Variants in PCDH15 observed in about 807,000 individuals in gnomAD.
PCDH15 encodes protocadherin related 15.
In PCDH15, 129 loss-of-function variants were observed where a neutral mutation model predicts 178.5. The ratio of observed to expected loss-of-function variants is 0.72; its 90% CI spans 0.63 to 0.84. The LOEUF (loss-of-function observed/expected upper bound fraction) is 0.84, where lower values mean the gene tolerates loss of function less well. Among genes scored for constraint, PCDH15 ranks in the 40% least tolerant of loss-of-function variants. The pLI is 0.00. For missense variants in PCDH15, 2,230 were observed against 2,099.9 expected, an observed-to-expected ratio of 1.06 and a Z score of -1.21; for synonymous variants, 800 against 732.0, an observed-to-expected ratio of 1.09 and a Z score of -1.50.
intron 20 of PCDH15, among the ~76,000 whole-genome samples, chr10:54,013,840 C>T (rs2092661871): frequency 6.6e-6 from 1 of 151,800 alleles, no homozygotes; most frequent in East Asian, 1.9e-4. Flanking sequence ...ATCACATCTA[C>T]AGGAACTAGA....
At position 54,944,326 on chromosome 10, in the gene PCDH15, AG is replaced by A. The variant is rs532245821; in HGVS notation, c.-79-46827del. ...TCCTATGTGTCTTGTGGGATGCAAA[AG>A]GTTTCTGTGAATTACAAGTCAGCAG... On this transcript the variant is annotated intron_variant, in intron 2 of 5. Coordinates refer to the PCDH15 transcript ENST00000458638. Among the ~76,000 whole-genome samples the A allele has an allele frequency of 4.6e-5, 7 of 152,064 alleles. No individual in the cohort carries two copies. The South Asian group carries it at 1.4e-3, about 31-fold the overall frequency.
chr10:54,982,166 ATC>A (rs1564687564), intron 2 of PCDH15, among the ~76,000 whole-genome samples: 1 of 152,154 alleles, frequency 6.6e-6, no homozygotes, highest in Non-Finnish European at 1.5e-5. Context: ...TGCATAGGGT[ATC>A]TTTCAATAAA....
chr10:54,293,179 T>G (rs1210449367), intron 8 of PCDH15, among the ~76,000 whole-genome samples: 1 of 152,176 alleles, frequency 6.6e-6, no homozygotes, highest in Non-Finnish European at 1.5e-5. Context: ...TGCAACCATC[T>G]GATCTTTGAC....
intron 7 of PCDH15, among the ~76,000 whole-genome samples, chr10:54,321,531 C>A (rs2061605751): frequency 6.6e-6 from 1 of 151,552 alleles, no homozygotes; most frequent in Non-Finnish European, 1.5e-5. Context: ...ATATTTCTAC[C>A]CTTCCATGTC....
chr10:54,662,389 A>T (rs575243125), intron 2 of PCDH15, among the ~76,000 whole-genome samples: 1 of 151,828 alleles, frequency 6.6e-6, no homozygotes, highest in Admixed American at 6.6e-5. Context: ...TTTTATTATC[A>T]TATATATCCT....
intron 2 of PCDH15, among the ~76,000 whole-genome samples, chr10:55,587,753 T>C (rs1842754431): frequency 6.6e-6 from 1 of 152,188 alleles, no homozygotes; most frequent in Admixed American, 6.5e-5. Context: ...ACAGTTGAAA[T>C]TTTTTACACT....
chr10:54,586,147 T>C (rs1385105022), intron 2 of PCDH15, among the ~76,000 whole-genome samples: 3 of 152,180 alleles, frequency 2.0e-5, no homozygotes, highest in African/African-American at 7.2e-5. Flanking sequence ...AGATCAGTTA[T>C]TGCTGTTCCA....
Position 53,808,419 on chromosome 10 carries a change from C to T in PCDH15, c.4672-1289G>A, listed in dbSNP as rs925571896. 9.6e-6 allele frequency: 11 copies of T among 1,146,162 alleles called. No homozygotes were observed. In the South Asian group the frequency reaches 1.9e-4, roughly 20 times the overall value. The allele number at this position is 1,146,162 out of a possible 1,614,324, so 71.0% of individuals were successfully genotyped here. A position where few individuals can be genotyped will look rare whatever the true frequency, so the allele number is the denominator to read the frequency against. ...AATGCCACATTGCATTAACAAAAAT[C>T]CTACCAGTAAATATTAAATATTGAT... On this transcript the variant is annotated intron_variant, in intron 37 of 37. Coordinates refer to ENST00000644397, the MANE Select transcript of PCDH15 (RefSeq NM_001384140.1).
chr10:55,194,521 C>G (rs1840030329), intron 1 of PCDH15, among the ~76,000 whole-genome samples: 1 of 151,948 alleles, frequency 6.6e-6, no homozygotes, highest in Non-Finnish European at 1.5e-5. Context: ...AAATATGAAC[C>G]CAGTTTGTCT....
rs1840992215 is a variant in PCDH15 at position 53,803,563 on chromosome 10, T to G, written c.*3016A>C. 1 of 152,006 alleles carries G rather than the reference T, an allele frequency of 6.6e-6. No homozygotes were observed. The highest frequency in any genetic ancestry group is 2.1e-4 in the South Asian group (1 of 4,832). The allele number at this position is 152,006 out of a possible 1,614,324, so 9.4% of individuals were successfully genotyped here. On this transcript the variant is annotated 3_prime_UTR_variant, in exon 38 of 38. Coordinates refer to ENST00000644397, the MANE Select transcript of PCDH15 (RefSeq NM_001384140.1). Reference sequence around the variant, plus strand: ...AATTCAAGGCAAACTTTCTTCTGTATTTTAAAAAGATGGTTTTGGCCAACC... The same window carrying G: ...AATTCAAGGCAAACTTTCTTCTGTAGTTTAAAAAGATGGTTTTGGCCAACC...
chr10:54,737,230 G>C (rs979606471), intron 1 of PCDH15, among the ~76,000 whole-genome samples: 1 of 152,050 alleles, frequency 6.6e-6, no homozygotes, highest in Non-Finnish European at 1.5e-5. Context: ...GTGGCTATCT[G>C]CCCTGGATAT....
At chr10:54,195,152 T>C (rs895870816) in intron 11 of PCDH15, among the ~76,000 whole-genome samples, 3 of 152,204 alleles carry the variant, frequency 2.0e-5, no homozygotes, top group African/African-American at 7.2e-5. Context: ...TTCCCACTCA[T>C]GTAGATAGTG....
chr10:54,139,670 G>A (rs1396621504), intron 14 of PCDH15, among the ~76,000 whole-genome samples: 1 of 151,944 alleles, frequency 6.6e-6, no homozygotes, highest in African/African-American at 2.4e-5. Flanking sequence ...AAGAAGATGT[G>A]TTTTTATTGA....
chr10:54,574,939 G>A lies in PCDH15; in HGVS notation c.92-47062C>T, dbSNP rs2090289811. Among the ~76,000 whole-genome samples, 3 of 148,898 alleles carry A rather than the reference G, an allele frequency of 2.0e-5. No individual in the cohort carries two copies. The South Asian group carries it at 6.6e-4, about 33-fold the overall frequency. ...TGATAGACTGGATTAAGAAACTGTGGCACATATACACCATGGAATACTATG... is the reference window on the plus strand; with the variant it reads ...TGATAGACTGGATTAAGAAACTGTGACACATATACACCATGGAATACTATG... On this transcript the variant is annotated intron_variant, in intron 2 of 37. Transcript: ENST00000644397.
intron 2 of PCDH15, among the ~76,000 whole-genome samples, chr10:55,067,546 T>C (rs992100967): frequency 3.9e-5 from 6 of 152,020 alleles, no homozygotes; most frequent in Non-Finnish European, 8.8e-5. Context: ...AATATGTGAG[T>C]GCAGGTTTCT....
At chr10:55,070,199 T>G (rs1472182415) in intron 2 of PCDH15, among the ~76,000 whole-genome samples, 1 of 152,124 alleles carries the variant, frequency 6.6e-6, no homozygotes, top group East Asian at 1.9e-4. Flanking sequence ...GATGAGTAGG[T>G]TGCGAAAATT....
intron 1 of PCDH15, among the ~76,000 whole-genome samples, chr10:54,729,539 A>G (rs1943055376): frequency 6.6e-6 from 1 of 151,656 alleles, no homozygotes; most frequent in Admixed American, 6.6e-5. Flanking sequence ...CAATAAAAAC[A>G]AAAATTGACA....
chr10:54,638,511 C>CA (rs2093914551), intron 2 of PCDH15, among the ~76,000 whole-genome samples: 1 of 151,962 alleles, frequency 6.6e-6, no homozygotes. Flanking sequence ...AGTACTTCGC[C>CA]AAAAATTTAA....
chr10:55,572,433 T>C (rs1241341908), intron 2 of PCDH15, among the ~76,000 whole-genome samples: 1 of 150,752 alleles, frequency 6.6e-6, no homozygotes, highest in African/African-American at 2.4e-5. Flanking sequence ...AGTATATTAA[T>C]ATATTATAAT....
Sources: allele counts gnomAD v4.1 joint callset (sites outside exome capture counted in the v4.1 genomes callset), GRCh38; gene constraint gnomAD v4.1.1; transcripts MANE v1.5; gene names NCBI Gene and HGNC (gene_info 2026-07-23, HGNC 2026-07-21).